Variants in SORL1 observed in about 807,000 individuals in gnomAD.
SORL1 encodes the protein sortilin related receptor 1.
SORL1 carries 127 observed loss-of-function variants against 273.7 expected under a neutral mutation model. That is an observed-to-expected ratio of 0.46 (90% CI 0.40 to 0.54). The LOEUF (loss-of-function observed/expected upper bound fraction) is 0.54. Among genes scored for constraint, SORL1 ranks in the 20% least tolerant of loss-of-function variants. The probability of loss-of-function intolerance (pLI) is 0.00; values close to 1 mark genes in which losing one functional copy is unlikely to be tolerated. For missense variants in SORL1, 2,494 were observed against 2,846.1 expected (o/e 0.88, Z 2.81); for synonymous variants, 1,031 against 1,067.4 (o/e 0.97, Z 0.66).
chr11:121,618,682 A>G (rs533344876), intron 41 of SORL1, 92 bp from the exon 42 acceptor site: 1 of 1,477,172 alleles, frequency 6.8e-7, no homozygotes, highest in South Asian at 1.2e-5. Context: ...AGCTCTTTTG[A>G]AGCAGTTCCA....
At chr11:121,604,168 C>CT (rs779533938) in intron 32 of SORL1, 25 bp from the exon 33 acceptor site, 1 of 1,612,968 alleles carries the variant, frequency 6.2e-7, no homozygotes, top group Non-Finnish European at 8.5e-7. Context: ...TCCCCGTGGA[C>CT]TTAAGAAGCC....
chr11:121,598,326 T>A (rs557477999), intron 32 of SORL1, among the ~76,000 whole-genome samples: 2 of 152,268 alleles, frequency 1.3e-5, no homozygotes, highest in Admixed American at 1.3e-4. Context: ...TCCAGTGAGT[T>A]TTTTTGGCTG....
chr11:121,586,198 CTG>C (rs1863104119), intron 26 of SORL1, 22 bp from the exon 27 acceptor site: 1 of 1,568,050 alleles, frequency 6.4e-7, no homozygotes, highest in Admixed American at 1.7e-5. Context: ...CGTCATTCTT[CTG>C]TGTTGTTGAA....
chr11:121,476,106 A>G (rs1040477812), intron 2 of SORL1, among the ~76,000 whole-genome samples: 75 of 152,332 alleles, frequency 4.9e-4, no homozygotes, highest in African/African-American at 1.7e-3. Context: ...GTGGGGGGTT[A>G]TCAAATTATG....
rs550600382 is a variant in SORL1, at chr11:121,452,703, C to T, written c.285+87C>T. On this transcript the variant is annotated intron_variant, in intron 1 of 47. Coordinates refer to ENST00000260197, the MANE Select transcript of SORL1 (RefSeq NM_003105.6). This position sits in a 1 kb window ranked among gnomAD's most constrained non-coding sequence, Gnocchi z 5.3. The stretch of plus-strand genomic sequence containing the variant: ...CGCATCCATCCGTTGCAGTCGCCTC[C>T]TAGGTGCAGGCACCACTGGGGACTT... 41 of 1,243,436 alleles carry T rather than the reference C, an allele frequency of 3.3e-5. No homozygotes were observed. The African/African-American group carries it at 5.7e-4, about 17-fold the overall frequency. 77.0% of individuals were successfully genotyped at this position (1,243,436 alleles called of 1,614,324 possible).
At chr11:121,608,700 C>A (rs1863515453) in intron 38 of SORL1, 1 of 153,510 alleles carries the variant, frequency 6.5e-6, no homozygotes, top group Non-Finnish European at 1.5e-5. Flanking sequence ...ATCAGCTCAT[C>A]TAATTGAACA....
chr11:121,487,995 C>T (rs1217411454), intron 3 of SORL1, 37 bp from the exon 4 acceptor site: 1 of 1,609,110 alleles, frequency 6.2e-7, no homozygotes, highest in Admixed American at 1.7e-5. Flanking sequence ...CAGCTCTGGA[C>T]AGGGCCTGCT....
At position 121,520,869 on chromosome 11, in the gene SORL1, C is replaced by G. The variant is rs955318362; in HGVS notation, c.1404+20C>G. 6.5e-7 allele frequency: 1 copy of G among 1,543,258 alleles called. No homozygotes were observed. The highest frequency in any genetic ancestry group is 8.7e-7 in the Non-Finnish European group (1 of 1,145,944). Reference sequence around the variant, plus strand: ...TGTGAGGTATTGATGCTTTAATCTTCTTTTGCTTTTTAATATAAAGGAAAG... The same window carrying G: ...TGTGAGGTATTGATGCTTTAATCTTGTTTTGCTTTTTAATATAAAGGAAAG... On this transcript the variant is annotated intron_variant, in intron 9 of 47. Transcript: ENST00000260197.
At chr11:121,601,691 C>A (rs1211569555) in intron 32 of SORL1, among the ~76,000 whole-genome samples, 1 of 151,234 alleles carries the variant, frequency 6.6e-6, no homozygotes, top group African/African-American at 2.4e-5. Context: ...GCTGGGATTA[C>A]AGGTGCACAC....
intron 43 of SORL1, 39 bp from the exon 44 acceptor site, chr11:121,621,025 C>T (rs567124090): frequency 2.7e-6 from 4 of 1,470,874 alleles, no homozygotes; most frequent in Non-Finnish European, 2.8e-6. Flanking sequence ...AAAATGTCAA[C>T]TTTCTGATTA....
chr11:121,595,195 CT>C lies in SORL1; in HGVS notation c.4370-426del, dbSNP rs1244538427. 2.3e-4 allele frequency among the ~76,000 whole-genome samples: 35 copies of C among 152,322 alleles called. No individual in the cohort carries two copies. The highest frequency in any genetic ancestry group is 8.2e-4 in the African/African-American group (34 of 41,578). On this transcript the variant is annotated intron_variant, in intron 31 of 47. Coordinates refer to ENST00000260197, the MANE Select transcript of SORL1 (RefSeq NM_003105.6). The surrounding 1 kb of genome is among the most constrained non-coding windows in gnomAD (Gnocchi z 5.1). Reference sequence around the variant, plus strand: ...TCTTAAACATCATTCAGTCAGTTCCCTTATTTTAACTCCTTCTTCACTTCCA... The same window carrying C: ...TCTTAAACATCATTCAGTCAGTTCCCTATTTTAACTCCTTCTTCACTTCCA...
At position 121,614,966 on chromosome 11, in the gene SORL1, A is replaced by G; in HGVS notation, c.5515A>G (p.Arg1839Gly). The change falls in exon 41 of 48, where the codon AGA becomes GGA. Residue 1839 changes from arginine (R) to glycine (G), a missense_variant. By Grantham distance (125) the Arg-to-Gly change is moderately radical (BLOSUM62 -2). Around this residue, in one of 3 missense-constraint regions of SORL1, gnomAD observed 1,609 missense variants for 1,816.4 expected, o/e 0.89. Transcript: ENST00000260197. Reference protein sequence around the residue: ...SPLAFEHVMTRGVRPPAPSLK... With the variant: ...SPLAFEHVMTGGVRPPAPSLK... ...TCTGGCATTTGAGCATGTTATGACC[A>G]GAGGGGTTCGCCCACCTGCACCTAG... 6.2e-7 allele frequency: 1 copy of G among 1,613,912 alleles called. No individual in the cohort carries two copies. Among genetic ancestry groups the G allele is most frequent in the African/African-American group, 1.3e-5 (1 of 75,044 alleles).
chr11:121,625,821 A>G (rs1863788101), intron 46 of SORL1, among the ~76,000 whole-genome samples: 1 of 152,190 alleles, frequency 6.6e-6, no homozygotes, highest in African/African-American at 2.4e-5. Context: ...CCTTCCGTTC[A>G]TACAGAAAGT....
intron 41 of SORL1, among the ~76,000 whole-genome samples, chr11:121,617,884 T>G (rs1863663197): frequency 6.6e-6 from 1 of 152,182 alleles, no homozygotes; most frequent in South Asian, 2.1e-4. Flanking sequence ...TCGAACAGTT[T>G]ATTTCCTCTT....
chr11:121,602,849 C>T (rs1863414506), intron 32 of SORL1, among the ~76,000 whole-genome samples: 2 of 152,202 alleles, frequency 1.3e-5, no homozygotes, highest in South Asian at 2.1e-4. Context: ...GTTAGCTTGG[C>T]CTACGTGCAG....
At chr11:121,490,740 CAAA>C (rs5795272) in intron 5 of SORL1, among the ~76,000 whole-genome samples, 4 of 118,892 alleles carry the variant, frequency 3.4e-5, no homozygotes, top group Admixed American at 2.7e-4. Context: ...GACTCTGTCT[CAAA>C]AAAAAAAAAA....
intron 12 of SORL1, among the ~76,000 whole-genome samples, chr11:121,537,975 C>A (rs563897535): frequency 1.1e-3 from 175 of 152,300 alleles, no homozygotes; most frequent in Non-Finnish European, 2.0e-3. Context: ...TTCTATAGAT[C>A]CTCAATCTCT....
intron 1 of SORL1, among the ~76,000 whole-genome samples, chr11:121,455,916 C>G (rs554127921): frequency 6.6e-6 from 1 of 152,022 alleles, no homozygotes; most frequent in Non-Finnish European, 1.5e-5. Flanking sequence ...TCGCTTGAAC[C>G]CCGGAGGCGG....
At position 121,630,956 on chromosome 11, in the gene SORL1, A is replaced by G. The variant is rs576416960; in HGVS notation, c.*1393A>G. ...CGAGCATCGTTGTGACTTGTGCTGT[A>G]TGATTCTCACTGAAGAATTTCCTTT... On this transcript the variant is annotated 3_prime_UTR_variant, in exon 48 of 48. Transcript: ENST00000260197. 1 of 152,628 alleles carries G rather than the reference A, an allele frequency of 6.6e-6. No homozygotes were observed. Among genetic ancestry groups the G allele is most frequent in the African/African-American group, 2.4e-5 (1 of 41,580 alleles). 9.5% of individuals were successfully genotyped at this position (152,628 alleles called of 1,614,324 possible).
Sources: allele counts gnomAD v4.1 joint callset (sites outside exome capture counted in the v4.1 genomes callset), GRCh38; gene constraint gnomAD v4.1.1; regional missense constraint gnomAD v4.1.1; non-coding constraint Gnocchi (gnomAD v3.1); transcripts MANE v1.5; gene names NCBI Gene and HGNC (gene_info 2026-07-23, HGNC 2026-07-21).